ZNF804A: variants seen among roughly 807,000 people sequenced by gnomAD.
The protein encoded by ZNF804A is zinc finger protein 804A.
Under a neutral mutation model 16.5 loss-of-function variants are expected in ZNF804A, and 2 were observed. The ratio of observed to expected loss-of-function variants is 0.12; its 90% CI spans 0.05 to 0.38. ZNF804A has a LOEUF of 0.38. Ranked by LOEUF, ZNF804A falls within the 10% of genes least tolerant of loss-of-function variation. The pLI, the probability that ZNF804A is intolerant of heterozygous loss-of-function variation, is 0.99. For missense variants in ZNF804A, 1,473 were observed against 1,390.7 expected, an observed-to-expected ratio of 1.06 and a Z score of -0.94; for synonymous variants, 534 against 489.6, an observed-to-expected ratio of 1.09 and a Z score of -1.20.
At chr2:184,669,994 A>G (rs1317591587) in intron 1 of ZNF804A, among the ~76,000 whole-genome samples, 2 of 152,146 alleles carry the variant, frequency 1.3e-5, no homozygotes, top group East Asian at 1.9e-4. Flanking sequence ...ATGTTTGTTC[A>G]TATGAAAATT....
chr2:184,846,634 A>G (rs187624995), intron 1 of ZNF804A, among the ~76,000 whole-genome samples: 9 of 152,238 alleles, frequency 5.9e-5, no homozygotes, highest in African/African-American at 1.9e-4. Flanking sequence ...TTATGCACAG[A>G]GAGACTGCAG....
chr2:184,695,330 A>C (rs1692813612), intron 1 of ZNF804A, among the ~76,000 whole-genome samples: 1 of 151,774 alleles, frequency 6.6e-6, no homozygotes, highest in African/African-American at 2.4e-5. Flanking sequence ...GTGAGGTGGC[A>C]TGTGCCTGTA....
intron 1 of ZNF804A, among the ~76,000 whole-genome samples, chr2:184,633,600 T>C (rs1346969797): frequency 6.6e-6 from 1 of 152,182 alleles, no homozygotes; most frequent in Non-Finnish European, 1.5e-5. Context: ...ATGTTACTTG[T>C]TTTAAGGATA....
chr2:184,648,542 T>A (rs1410677833), intron 1 of ZNF804A, among the ~76,000 whole-genome samples: 3 of 152,102 alleles, frequency 2.0e-5, no homozygotes, highest in Admixed American at 2.0e-4. Context: ...CTTCAAGAGA[T>A]AACACCTCAC....
At chr2:184,807,911 C>T (rs1039216028) in intron 1 of ZNF804A, among the ~76,000 whole-genome samples, 2 of 151,590 alleles carry the variant, frequency 1.3e-5, no homozygotes, top group Non-Finnish European at 3.0e-5. Context: ...ATCCAATATT[C>T]TATTTAGAAT....
intron 2 of ZNF804A, among the ~76,000 whole-genome samples, chr2:184,924,018 T>C (rs951754934): frequency 4.6e-5 from 7 of 150,650 alleles, no homozygotes; most frequent in Admixed American, 4.0e-4. Context: ...TTTGTGTGTG[T>C]GTGTGTGTGT....
chr2:184,733,900 C>CT (rs958899141), intron 1 of ZNF804A, among the ~76,000 whole-genome samples: 34 of 147,302 alleles, frequency 2.3e-4, no homozygotes, highest in African/African-American at 6.5e-4. Context: ...TTTGTGTGCA[C>CT]TTTTTTTTTT....
chr2:184,661,991 G>A (rs1692181823), intron 1 of ZNF804A, among the ~76,000 whole-genome samples: 1 of 152,146 alleles, frequency 6.6e-6, no homozygotes, highest in African/African-American at 2.4e-5. Flanking sequence ...TTTTTGAAGA[G>A]AACAAATTCA....
chr2:184,897,775 T>A (rs958095252), intron 2 of ZNF804A, among the ~76,000 whole-genome samples: 2 of 152,120 alleles, frequency 1.3e-5, no homozygotes, highest in Non-Finnish European at 2.9e-5. Flanking sequence ...TGTATTCCTT[T>A]AACACACCCC....
intron 2 of ZNF804A, among the ~76,000 whole-genome samples, chr2:184,932,773 C>T (rs532445995): frequency 1.3e-5 from 2 of 152,246 alleles, no homozygotes; most frequent in East Asian, 3.9e-4. Context: ...CACAAGATAA[C>T]TTTGATGTCT....
chr2:184,723,535 G>A (rs933192401), intron 1 of ZNF804A, among the ~76,000 whole-genome samples: 3 of 151,618 alleles, frequency 2.0e-5, no homozygotes, highest in Non-Finnish European at 4.4e-5. Flanking sequence ...TTTCCTGCAT[G>A]GATATCAGTT....
At chr2:184,702,024 AT>A (rs1202810087) in intron 1 of ZNF804A, among the ~76,000 whole-genome samples, 1 of 151,944 alleles carries the variant, frequency 6.6e-6, no homozygotes, top group Admixed American at 6.6e-5. Context: ...ATTTGTCTGT[AT>A]TTTTATTTTA....
At chr2:184,809,862 G>A (rs1428328131) in intron 1 of ZNF804A, among the ~76,000 whole-genome samples, 1 of 151,942 alleles carries the variant, frequency 6.6e-6, no homozygotes, top group Non-Finnish European at 1.5e-5. Context: ...AAATATCGAG[G>A]TATAATATAA....
At chr2:184,867,378 C>G (rs376582929) in intron 2 of ZNF804A, among the ~76,000 whole-genome samples, 30 of 152,042 alleles carry the variant, frequency 2.0e-4, no homozygotes, top group Admixed American at 1.4e-3. Context: ...GCAGTTGAAC[C>G]TGCCCTAACT....
At chr2:184,830,925 T>C (rs1695253742) in intron 1 of ZNF804A, among the ~76,000 whole-genome samples, 1 of 152,132 alleles carries the variant, frequency 6.6e-6, no homozygotes, top group South Asian at 2.1e-4. Flanking sequence ...AGAAATTTTC[T>C]TTAACTGTAA....
intron 1 of ZNF804A, among the ~76,000 whole-genome samples, chr2:184,729,411 A>G (rs559539324): frequency 6.6e-6 from 1 of 152,118 alleles, no homozygotes; most frequent in African/African-American, 2.4e-5. Flanking sequence ...ACATGAGTAT[A>G]TGCCAACAGT....
chr2:184,640,393 T>C (rs567038053), intron 1 of ZNF804A, among the ~76,000 whole-genome samples: 3 of 152,226 alleles, frequency 2.0e-5, no homozygotes, highest in South Asian at 4.1e-4. Flanking sequence ...ATTATATGAC[T>C]TCACTGATGA....
chr2:184,663,094 T>G (rs1195941020), intron 1 of ZNF804A, among the ~76,000 whole-genome samples: 1 of 152,168 alleles, frequency 6.6e-6, no homozygotes, highest in Non-Finnish European at 1.5e-5. Context: ...GGCTGCATGC[T>G]CAATGGACCT....
At chr2:184,807,096 G>GA (rs140181218) in intron 1 of ZNF804A, among the ~76,000 whole-genome samples, 7,603 of 148,948 alleles carry the variant, frequency 0.051, 248 homozygotes, top group Middle Eastern at 0.08. Flanking sequence ...TGAATATTTT[G>GA]AAAAAAAAAC....
Sources: allele counts gnomAD v4.1 joint callset (sites outside exome capture counted in the v4.1 genomes callset), GRCh38; gene constraint gnomAD v4.1.1; transcripts MANE v1.5; gene names NCBI Gene and HGNC (gene_info 2026-07-23, HGNC 2026-07-21).